GLYATL2: variants seen among roughly 807,000 people sequenced by gnomAD.
The protein encoded by GLYATL2 is glycine N-acyltransferase-like protein 2.
In GLYATL2, 25 loss-of-function variants were observed where a neutral mutation model predicts 21.4. The observed-to-expected ratio is 1.17, with a 90% CI of 0.85 to 1.63. The LOEUF (loss-of-function observed/expected upper bound fraction) is 1.63, where lower values mean the gene tolerates loss of function less well. Among genes scored for constraint, GLYATL2 ranks in the 40% most tolerant of loss-of-function variants. The pLI is 0.00. For synonymous variants in GLYATL2, 114 were observed against 118.2 expected, an observed-to-expected ratio of 0.96 and a Z score of 0.23; for missense variants, 361 against 343.3, an observed-to-expected ratio of 1.05 and a Z score of -0.41.
At chr11:58,836,082 T>C (rs1853425751) in intron 5 of GLYATL2, among the ~76,000 whole-genome samples, 1 of 152,208 alleles carries the variant, frequency 6.6e-6, no homozygotes, top group East Asian at 1.9e-4. Context: ...GATCTCATAT[T>C]ACCCAGTTAC....
At chr11:58,872,367 T>C (rs1854138909) in intron 1 of GLYATL2, among the ~76,000 whole-genome samples, 1 of 152,244 alleles carries the variant, frequency 6.6e-6, no homozygotes, top group Non-Finnish European at 1.5e-5. Flanking sequence ...CCCATGCCTA[T>C]GTCCTGAATG....
At chr11:58,848,677 A>T, upstream of GLYATL2, among the ~76,000 whole-genome samples, 1 of 152,192 alleles carries the variant, frequency 6.6e-6, no homozygotes, top group East Asian at 1.9e-4. Context: ...TAAAAAAATT[A>T]AAAAACAACA....
At chr11:58,874,806 T>TG (rs1854195659) in intron 1 of GLYATL2, among the ~76,000 whole-genome samples, 2 of 152,198 alleles carry the variant, frequency 1.3e-5, no homozygotes, top group African/African-American at 4.8e-5. Flanking sequence ...CTATTAAGTC[T>TG]GCTTGGTGCA....
intron 1 of GLYATL2, among the ~76,000 whole-genome samples, chr11:58,879,213 A>G (rs1156984678): frequency 6.6e-6 from 1 of 152,120 alleles, no homozygotes; most frequent in Non-Finnish European, 1.5e-5. Flanking sequence ...AATAAAAAAC[A>G]TGTGAATGGT....
chr11:58,856,528 C>T (rs11229665), intron 1 of GLYATL2, among the ~76,000 whole-genome samples: 3,894 of 152,216 alleles, frequency 0.026, 121 homozygotes, highest in East Asian at 0.15. Context: ...AATCATTTTT[C>T]GCTTTTTGTT....
At chr11:58,898,923 A>G (rs992747383) in intron 1 of GLYATL2, among the ~76,000 whole-genome samples, 1 of 152,244 alleles carries the variant, frequency 6.6e-6, no homozygotes, top group Non-Finnish European at 1.5e-5. Context: ...AACCACAAAT[A>G]TATTTATTTG....
At chr11:58,900,822 A>G (rs1854724761) in intron 1 of GLYATL2, among the ~76,000 whole-genome samples, 1 of 152,152 alleles carries the variant, frequency 6.6e-6, no homozygotes, top group African/African-American at 2.4e-5. Flanking sequence ...TTTGGCTTTC[A>G]TGGAAGCTAC....
chr11:58,886,822 A>T (rs1186546175), intron 1 of GLYATL2, among the ~76,000 whole-genome samples: 1 of 152,292 alleles, frequency 6.6e-6, no homozygotes, highest in East Asian at 1.9e-4. Context: ...CCAAATAATA[A>T]TAAGCCACCC....
At chr11:58,846,799 A>AATTAGGCTCAGAAATTGTGGACTGG (rs1853652715), upstream of GLYATL2, among the ~76,000 whole-genome samples, 1 of 152,138 alleles carries the variant, frequency 6.6e-6, no homozygotes. Context: ...CCTAGTGCTG[A>AATTAGGCTCAGAAATTGTGGACTGG]ATTAGGCTCA....
rs192162019 is a variant in GLYATL2 at position 58,837,353 on chromosome 11, G to A, written c.231C>T (p.Ile77=). The A allele has an allele frequency of 6.2e-7, 1 of 1,613,618 alleles. No homozygotes were observed. The highest frequency in any genetic ancestry group is 2.2e-5 in the East Asian group (1 of 44,862). ...CTAATTTGTCAGGAGCTTTGGTGAA[G>A]ATGTGGTAAGTGTTGGTATAATGAT... ...DQDHYTNTYH[I]FTKAPDKLEE... The change falls in exon 4 of 6, where the codon ATC becomes ATT. Residue 77 remains isoleucine, a synonymous_variant. Transcript: ENST00000287275.
upstream of GLYATL2, among the ~76,000 whole-genome samples, chr11:58,905,911 G>A (rs1475712845): frequency 1.3e-5 from 2 of 152,222 alleles, no homozygotes; most frequent in Non-Finnish European, 2.9e-5. Context: ...TCCATCCAAT[G>A]AGAGAAAACA....
intron 1 of GLYATL2, among the ~76,000 whole-genome samples, chr11:58,860,795 GT>G (rs879716366): frequency 6.6e-6 from 1 of 152,022 alleles, no homozygotes; most frequent in African/African-American, 2.4e-5. Flanking sequence ...TTTGTTGAGA[GT>G]TCATAATCAG....
chr11:58,850,812 C>T (rs991451891), intron 1 of GLYATL2, among the ~76,000 whole-genome samples: 20 of 152,058 alleles, frequency 1.3e-4, no homozygotes, highest in African/African-American at 4.6e-4. Context: ...GGCCTGACAT[C>T]AGTCAGGCCC....
At chr11:58,898,610 A>G (rs940950716) in intron 1 of GLYATL2, among the ~76,000 whole-genome samples, 3 of 151,952 alleles carry the variant, frequency 2.0e-5, no homozygotes, top group Non-Finnish European at 2.9e-5. Context: ...CGAGGCGGGC[A>G]GATCACGAAG....
chr11:58,872,486 T>G (rs1251939274), intron 1 of GLYATL2, among the ~76,000 whole-genome samples: 1 of 152,254 alleles, frequency 6.6e-6, no homozygotes, highest in Non-Finnish European at 1.5e-5. Context: ...GAGATCCAGT[T>G]TCAGCTTTCT....
At chr11:58,845,997 A>G (rs1449658088), upstream of GLYATL2, among the ~76,000 whole-genome samples, 1 of 143,730 alleles carries the variant, frequency 7.0e-6, no homozygotes, top group Non-Finnish European at 1.5e-5. Context: ...AGTGGTTCAC[A>G]TAATCTATCA....
At chr11:58,895,621 T>C (rs969079445) in intron 1 of GLYATL2, among the ~76,000 whole-genome samples, 1 of 152,176 alleles carries the variant, frequency 6.6e-6, no homozygotes, top group African/African-American at 2.4e-5. Flanking sequence ...ACTGCTGATA[T>C]AGAAGCTAAA....
At chr11:58,892,893 A>G in intron 1 of GLYATL2, 1 of 301,230 alleles carries the variant, frequency 3.3e-6, no homozygotes, top group Non-Finnish European at 6.6e-6. Context: ...ACTTTTTTGT[A>G]ATTCACATTA....
intron 1 of GLYATL2, among the ~76,000 whole-genome samples, chr11:58,900,282 C>T (rs1278732405): frequency 6.6e-6 from 1 of 152,178 alleles, no homozygotes; most frequent in Admixed American, 6.5e-5. Flanking sequence ...AGACCTTAGG[C>T]TTTGGTGTCT....
Sources: allele counts gnomAD v4.1 joint callset (sites outside exome capture counted in the v4.1 genomes callset), GRCh38; gene constraint gnomAD v4.1.1; transcripts MANE v1.5; gene names NCBI Gene and HGNC (gene_info 2026-07-23, HGNC 2026-07-21).